The following TSHZ1 variants were observed in gnomAD, a reference collection of about 807,000 sequenced individuals.
TSHZ1 encodes teashirt zinc finger homeobox 1.
TSHZ1 carries 12 observed loss-of-function variants against 67.1 expected under a neutral mutation model. The ratio of observed to expected loss-of-function variants is 0.18; its 90% CI spans 0.11 to 0.29. TSHZ1 has a LOEUF of 0.29. TSHZ1 is among the 10% of genes least tolerant of loss of function. The pLI, the probability that TSHZ1 is intolerant of heterozygous loss-of-function variation, is 1.00. For missense variants in TSHZ1, 1,305 were observed against 1,413.9 expected, an observed-to-expected ratio of 0.92 and a Z score of 1.23; for synonymous variants, 632 against 622.4, an observed-to-expected ratio of 1.02 and a Z score of -0.23.
intron 1 of TSHZ1, among the ~76,000 whole-genome samples, chr18:75,232,620 T>C (rs1459858801): frequency 6.6e-6 from 1 of 152,210 alleles, no homozygotes; most frequent in Non-Finnish European, 1.5e-5. Flanking sequence ...ATCTAGGCTT[T>C]TCAGGCGCCA....
At chr18:75,255,644 T>C (rs2023353888) in intron 1 of TSHZ1, among the ~76,000 whole-genome samples, 1 of 152,224 alleles carries the variant, frequency 6.6e-6, no homozygotes, top group African/African-American at 2.4e-5. Context: ...CGTATGTAGA[T>C]TGAACATAAA....
chr18:75,280,041 T>C (rs2023665844), intron 1 of TSHZ1, among the ~76,000 whole-genome samples: 1 of 152,266 alleles, frequency 6.6e-6, no homozygotes, highest in Non-Finnish European at 1.5e-5. Flanking sequence ...GTAACATTCT[T>C]TGAAAAGGAT....
chr18:75,256,022 C>T (rs933698900), intron 1 of TSHZ1, among the ~76,000 whole-genome samples: 7 of 152,188 alleles, frequency 4.6e-5, no homozygotes, highest in Non-Finnish European at 8.8e-5. Flanking sequence ...AGAATGATAA[C>T]ACTTTAATGC....
intron 1 of TSHZ1, among the ~76,000 whole-genome samples, chr18:75,252,252 A>G (rs1225048217): frequency 6.6e-6 from 1 of 152,176 alleles, no homozygotes; most frequent in Non-Finnish European, 1.5e-5. Flanking sequence ...ATATCTTTGT[A>G]TGTATATCTT....
chr18:75,250,214 C>A (rs1256363700), intron 1 of TSHZ1, among the ~76,000 whole-genome samples: 2 of 152,070 alleles, frequency 1.3e-5, no homozygotes, highest in Non-Finnish European at 2.9e-5. Context: ...CTCACCCCTG[C>A]TGTAGGTGAG....
chr18:75,282,170 C>G (rs2122614497), intron 1 of TSHZ1, among the ~76,000 whole-genome samples: 2 of 152,192 alleles, frequency 1.3e-5, no homozygotes, highest in African/African-American at 4.8e-5. Context: ...GTAGCTCAGC[C>G]TAGGAACTTC....
At chr18:75,232,785 T>A (rs182763423) in intron 1 of TSHZ1, among the ~76,000 whole-genome samples, 3 of 152,366 alleles carry the variant, frequency 2.0e-5, no homozygotes, top group African/African-American at 7.2e-5. Context: ...AAAAGAAATT[T>A]AGTGCATATA....
intron 1 of TSHZ1, among the ~76,000 whole-genome samples, chr18:75,260,048 A>G (rs2023411280): frequency 6.6e-6 from 1 of 152,214 alleles, no homozygotes; most frequent in South Asian, 2.1e-4. Flanking sequence ...GCTTCATAGC[A>G]GCTATCGGCC....
chr18:75,287,375 G>C lies in TSHZ1; in HGVS notation c.1968G>C (p.Glu656Asp), dbSNP rs1161590704. 6.2e-7 allele frequency: 1 copy of C among 1,614,060 alleles called. No homozygotes were observed. Among genetic ancestry groups the C allele is most frequent in the South Asian group, 1.1e-5 (1 of 91,064 alleles). Reference protein sequence around the residue: ...VTGKVNIKKEERPPEKEKSSL... With the variant: ...VTGKVNIKKEDRPPEKEKSSL... ...GCAAGGTCAACATCAAGAAGGAGGA[G>C]AGACCCCCTGAGAAGGAGAAGAGCT... is the stretch of plus-strand genomic sequence containing the variant. Residue 656 changes from glutamate (E) to aspartate (D), a missense_variant, in exon 2 of 2, where the codon GAG (glutamate) becomes GAC (aspartate). Physicochemically the swap from Glu to Asp is conservative, Grantham distance 45. This residue lies in a region of TSHZ1 where 909 missense variants were observed against 961.8 expected (regional missense o/e 0.95). Coordinates refer to ENST00000580243, the MANE Select transcript of TSHZ1 (RefSeq NM_001308210.2). The surrounding 1 kb of genome is among the most constrained non-coding windows in gnomAD (Gnocchi z 5.0).
intron 1 of TSHZ1, among the ~76,000 whole-genome samples, chr18:75,246,535 C>T (rs897563970): frequency 2.6e-5 from 4 of 151,876 alleles, no homozygotes; most frequent in Non-Finnish European, 5.9e-5. Context: ...TGATTGCCTG[C>T]AAGCTCACAG....
At chr18:75,280,646 A>C (rs1319706707) in intron 1 of TSHZ1, 1 of 722,752 alleles carries the variant, frequency 1.4e-6, no homozygotes, top group African/African-American at 1.9e-5. Flanking sequence ...CAACTTCCCC[A>C]AGACTCTGTT....
rs571112820 is a variant in TSHZ1 at position 75,281,419 on chromosome 18, G to A, written c.41-4029G>A. ...GGGTGTCATTTTGTTTGCACACAAC[G>A]TAGGTGTGATGTGGAGCACCCGTGT... is the stretch of plus-strand genomic sequence containing the variant. On this transcript the variant is annotated intron_variant, in intron 1 of 1. Transcript: ENST00000580243. The surrounding 1 kb of genome is among the most constrained non-coding windows in gnomAD (Gnocchi z 5.3). 1.2e-4 allele frequency among the ~76,000 whole-genome samples: 18 copies of A among 152,324 alleles called. No individual in the cohort carries two copies. Among genetic ancestry groups the A allele is most frequent in the Admixed American group, 5.2e-4 (8 of 15,306 alleles).
rs922159869 is a variant in TSHZ1, at chr18:75,288,395, C to T, written c.2988C>T (p.Ser996=). ...ISHLETHLGF[S]LKDLSKLPLN... is the part of the protein sequence containing the mutation. ...ATTTGGAGACACACTTGGGCTTCAG[C>T]CTGAAGGATCTCTCCAAGCTGCCAC... Residue 996 remains serine (S), a synonymous_variant, in exon 2 of 2, where the codon AGC becomes AGT. Coordinates refer to ENST00000580243, the MANE Select transcript of TSHZ1 (RefSeq NM_001308210.2). The surrounding 1 kb of genome is among the most constrained non-coding windows in gnomAD (Gnocchi z 4.9). 55 of 1,614,082 alleles carry T rather than the reference C, an allele frequency of 3.4e-5. No homozygotes were observed. The highest frequency in any genetic ancestry group is 4.4e-5 in the Non-Finnish European group (52 of 1,180,036).
At chr18:75,282,600 G>C (rs1174427745) in intron 1 of TSHZ1, among the ~76,000 whole-genome samples, 2 of 152,150 alleles carry the variant, frequency 1.3e-5, no homozygotes, top group African/African-American at 4.8e-5. Flanking sequence ...AGAAGTGGAA[G>C]AGCTCTCTCT....
At chr18:75,243,892 G>C (rs1441568598) in intron 1 of TSHZ1, among the ~76,000 whole-genome samples, 1 of 152,128 alleles carries the variant, frequency 6.6e-6, no homozygotes, top group East Asian at 1.9e-4. Flanking sequence ...AACACAACAT[G>C]TACGTCCTGA....
chr18:75,281,313 G>A lies in TSHZ1; in HGVS notation c.41-4135G>A, dbSNP rs1252167055. Among the ~76,000 whole-genome samples the A allele has an allele frequency of 2.0e-5, 3 of 152,172 alleles. No individual in the cohort carries two copies. The highest frequency in any genetic ancestry group is 2.9e-5 in the Non-Finnish European group (2 of 68,022). On this transcript the variant is annotated intron_variant, in intron 1 of 1. Transcript: ENST00000580243. The surrounding 1 kb of genome is among the most constrained non-coding windows in gnomAD (Gnocchi z 5.3). ...CGGATACTCTCGTTTGGGGTTATTC[G>A]GTAACGTCTGAATCTGGAGATTCAG...
intron 1 of TSHZ1, among the ~76,000 whole-genome samples, chr18:75,248,354 T>G (rs187199856): frequency 5.3e-5 from 8 of 152,368 alleles, no homozygotes; most frequent in South Asian, 2.1e-4. Flanking sequence ...TGGAAGGTGA[T>G]CGAAGTGTAT....
At chr18:75,270,294 G>A (rs1447487117) in intron 1 of TSHZ1, among the ~76,000 whole-genome samples, 1 of 152,174 alleles carries the variant, frequency 6.6e-6, no homozygotes, top group African/African-American at 2.4e-5. Context: ...ATTTCCCCTT[G>A]TAGTGTCAGT....
chr18:75,262,227 A>G (rs967165993), intron 1 of TSHZ1, among the ~76,000 whole-genome samples: 2 of 152,236 alleles, frequency 1.3e-5, no homozygotes, highest in African/African-American at 4.8e-5. Context: ...TGTGATCACT[A>G]TAGACCTTAA....
Sources: allele counts gnomAD v4.1 joint callset (sites outside exome capture counted in the v4.1 genomes callset), GRCh38; gene constraint gnomAD v4.1.1; regional missense constraint gnomAD v4.1.1; non-coding constraint Gnocchi (gnomAD v3.1); transcripts MANE v1.5; gene names NCBI Gene and HGNC (gene_info 2026-07-23, HGNC 2026-07-21).